Variants in ABCG1 observed in about 807,000 individuals in gnomAD.
The protein encoded by ABCG1 is ATP binding cassette subfamily G member 1.
A neutral mutation model predicts 69.2 loss-of-function variants in ABCG1; 29 were observed. The observed-to-expected ratio is 0.42, with a 90% CI of 0.31 to 0.57. The LOEUF is 0.57. Ranked by LOEUF, ABCG1 falls within the 20% of genes least tolerant of loss-of-function variation. ABCG1 has a pLI of 0.15. For missense variants in ABCG1, 718 were observed against 898.1 expected, an observed-to-expected ratio of 0.80 and a Z score of 2.56; for synonymous variants, 370 against 374.8, an observed-to-expected ratio of 0.99 and a Z score of 0.15.
At chr21:42,248,067 A>G (rs1406396248) in intron 2 of ABCG1, among the ~76,000 whole-genome samples, 1 of 152,228 alleles carries the variant, frequency 6.6e-6, no homozygotes, top group Non-Finnish European at 1.5e-5. Flanking sequence ...AAGGAAGCAA[A>G]GATGGTCATG....
At chr21:42,200,539 G>A (rs1328571197) in intron 1 of ABCG1, among the ~76,000 whole-genome samples, 4 of 152,104 alleles carry the variant, frequency 2.6e-5, no homozygotes, top group Non-Finnish European at 5.9e-5. Context: ...CCATGGTTTG[G>A]GGGTGGGGTG....
In ABCG1 at chr21:42,255,563, C is replaced by T. The variant is rs141108001; in HGVS notation, c.287-15507C>T. On this transcript the variant is annotated intron_variant, in intron 2 of 14. Transcript: ENST00000398449. ...CAGGGCAGACGCACTCACTGAGGGCCCCTTCAGTTGTAATAGGCAGAAGGA... is the reference window on the plus strand; with the variant it reads ...CAGGGCAGACGCACTCACTGAGGGCTCCTTCAGTTGTAATAGGCAGAAGGA... 8.5e-5 allele frequency among the ~76,000 whole-genome samples: 13 copies of T among 152,268 alleles called. No individual in the cohort carries two copies. The East Asian group carries it at 2.5e-3, about 29-fold the overall frequency.
Position 42,291,231 on chromosome 21 carries a change from G to A in ABCG1, c.1494+39G>A, listed in dbSNP as rs1281589693. ...GGGCTGGAATTTGAAACGGGGGCAA[G>A]AGTTCTCCTGTACACCCTTTATATC... On this transcript the variant is annotated intron_variant, in intron 12 of 14. Coordinates refer to ENST00000398449, the MANE Select transcript of ABCG1 (RefSeq NM_016818.3). This position sits in a 1 kb window ranked among gnomAD's most constrained non-coding sequence, Gnocchi z 6.4. 8 of 1,507,390 alleles carry A rather than the reference G, an allele frequency of 5.3e-6. No individual in the cohort carries two copies. Among genetic ancestry groups the A allele is most frequent in the Non-Finnish European group, 7.4e-6 (8 of 1,086,744 alleles). 93.4% of individuals were successfully genotyped at this position (1,507,390 alleles called of 1,614,324 possible).
At chr21:42,232,173 T>A (rs1470056394) in intron 2 of ABCG1, among the ~76,000 whole-genome samples, 2 of 152,232 alleles carry the variant, frequency 1.3e-5, no homozygotes, top group African/African-American at 4.8e-5. Context: ...ATTTTGAGAA[T>A]GGACCAACTC....
intron 10 of ABCG1, among the ~76,000 whole-genome samples, chr21:42,289,591 T>C (rs2069015049): frequency 6.6e-6 from 1 of 152,150 alleles, no homozygotes; most frequent in African/African-American, 2.4e-5. Flanking sequence ...GGCCACCTAC[T>C]TAGGAGCGGC....
intron 2 of ABCG1, among the ~76,000 whole-genome samples, chr21:42,252,964 G>T (rs1010981608): frequency 5.3e-5 from 8 of 152,156 alleles, no homozygotes; most frequent in Non-Finnish European, 1.0e-4. Flanking sequence ...CATGGCAGCA[G>T]CTGCCACCTA....
chr21:42,296,384 G>A lies in ABCG1; in HGVS notation c.1993G>A (p.Glu665Lys). Residue 665 changes from glutamate to lysine, a missense_variant, in exon 15 of 15, where the codon GAG (glutamate) becomes AAG (lysine). By Grantham distance (56) the Glu-to-Lys change is moderately conservative (BLOSUM62 1). Transcript: ENST00000398449. The surrounding 1 kb of genome is among the most constrained non-coding windows in gnomAD (Gnocchi z 5.4). ...TGTCCTCAGGTACAAAATCCGGGCA[G>A]AGAGGTAAAACACCTGAATGCCAGG... is the stretch of plus-strand genomic sequence containing the variant. The part of the protein sequence containing the change: ...YFVLRYKIRA[E>K]R The A allele has an allele frequency of 6.2e-7, 1 of 1,613,370 alleles. No homozygotes were observed. Among genetic ancestry groups the A allele is most frequent in the South Asian group, 1.1e-5 (1 of 91,054 alleles).
In ABCG1 at chr21:42,296,582, C is replaced by A. The variant is rs2069215558; in HGVS notation, c.*190C>A. The A allele has an allele frequency of 1.7e-6, 1 of 592,666 alleles. No individual in the cohort carries two copies. Among genetic ancestry groups the A allele is most frequent in the African/African-American group, 1.9e-5 (1 of 53,816 alleles). 36.7% of individuals were successfully genotyped at this position (592,666 alleles called of 1,614,324 possible). On this transcript the variant is annotated 3_prime_UTR_variant, in exon 15 of 15. Transcript: ENST00000398449. This position sits in a 1 kb window ranked among gnomAD's most constrained non-coding sequence, Gnocchi z 5.4. ...AGCTGGGTTGGATCTTCTCTCCATT[C>A]CCCTTTCTAGCTTTAACTAGGAAGA...
At chr21:42,249,165 T>G (rs1358717917) in intron 2 of ABCG1, among the ~76,000 whole-genome samples, 3 of 152,058 alleles carry the variant, frequency 2.0e-5, no homozygotes, top group Admixed American at 2.0e-4. Flanking sequence ...AAAACAAGGA[T>G]GTAATACCAT....
intron 2 of ABCG1, among the ~76,000 whole-genome samples, chr21:42,251,073 C>A (rs778546925): frequency 7.2e-5 from 11 of 152,150 alleles, no homozygotes; most frequent in Non-Finnish European, 1.3e-4. Context: ...CTAGGGCTGT[C>A]ACTATCTCCT....
chr21:42,228,929 A>G (rs1377830503), intron 2 of ABCG1, among the ~76,000 whole-genome samples: 1 of 152,204 alleles, frequency 6.6e-6, no homozygotes, highest in Non-Finnish European at 1.5e-5. Flanking sequence ...AGTGCGCATT[A>G]AATGCGGATC....
Position 42,291,143 on chromosome 21 carries a change from G to A in ABCG1, c.1445G>A (p.Ser482Asn). The change falls in exon 12 of 15, where the codon AGC (serine) becomes AAC (asparagine). Residue 482 changes from serine (S) to asparagine (N), a missense_variant. This residue lies in a region of ABCG1 where 204 missense variants were observed against 323.8 expected (regional missense o/e 0.63). Transcript: ENST00000398449. This position sits in a 1 kb window ranked among gnomAD's most constrained non-coding sequence, Gnocchi z 6.4. ...CGGGAACACCTGAACTACTGGTACA[G>A]CCTGAAGGCCTACTACCTGGCCAAG... ...FLREHLNYWY[S>N]LKAYYLAKTM... 1.2e-6 allele frequency: 2 copies of A among 1,614,172 alleles called. No individual in the cohort carries two copies. Among genetic ancestry groups the A allele is most frequent in the Non-Finnish European group, 1.7e-6 (2 of 1,180,020 alleles).
chr21:42,240,384 G>A (rs897820806), intron 2 of ABCG1, among the ~76,000 whole-genome samples: 1 of 152,218 alleles, frequency 6.6e-6, no homozygotes, highest in Admixed American at 6.5e-5. Context: ...TAGGGCCATG[G>A]CCCTTTTCAG....
intron 1 of ABCG1, among the ~76,000 whole-genome samples, chr21:42,223,941 C>T (rs994115486): frequency 1.1e-4 from 17 of 152,114 alleles, no homozygotes; most frequent in African/African-American, 3.9e-4. Context: ...GCAGATGTTG[C>T]GTGGCAGCTG....
At chr21:42,220,805 G>C (rs1271586436) in intron 1 of ABCG1, among the ~76,000 whole-genome samples, 1 of 152,252 alleles carries the variant, frequency 6.6e-6, no homozygotes, top group Non-Finnish European at 1.5e-5. Flanking sequence ...AAATGAGGTT[G>C]ACCATGGAAA....
chr21:42,291,209 C>A lies in ABCG1; in HGVS notation c.1494+17C>A. ...CCCTTTCAGGTGTGTTAGCCAGGGGCTGGAATTTGAAACGGGGGCAAGAGT... is the reference window on the plus strand; with the variant it reads ...CCCTTTCAGGTGTGTTAGCCAGGGGATGGAATTTGAAACGGGGGCAAGAGT... On this transcript the variant is annotated intron_variant, in intron 12 of 14. Transcript: ENST00000398449. The surrounding 1 kb of genome is among the most constrained non-coding windows in gnomAD (Gnocchi z 6.4). 1 of 1,597,700 alleles carries A rather than the reference C, an allele frequency of 6.3e-7. No homozygotes were observed. Among genetic ancestry groups the A allele is most frequent in the Non-Finnish European group, 8.6e-7 (1 of 1,166,174 alleles).
Position 42,291,866 on chromosome 21 carries a change from A to T in ABCG1, c.1653+210A>T, listed in dbSNP as rs1429365313. On this transcript the variant is annotated intron_variant, in intron 13 of 14. Transcript: ENST00000398449. This position sits in a 1 kb window ranked among gnomAD's most constrained non-coding sequence, Gnocchi z 6.4. ...ACAGCGGGCAGCCTCACGTGTGCTGACTGCGTGCTGGGCGCTCTTCCCAGC... is the reference window on the plus strand; with the variant it reads ...ACAGCGGGCAGCCTCACGTGTGCTGTCTGCGTGCTGGGCGCTCTTCCCAGC... 2.6e-5 allele frequency among the ~76,000 whole-genome samples: 4 copies of T among 152,218 alleles called. No individual in the cohort carries two copies. Among genetic ancestry groups the T allele is most frequent in the African/African-American group, 7.2e-5 (3 of 41,516 alleles).
chr21:42,234,029 TTTTG>T (rs2067939631), intron 2 of ABCG1, among the ~76,000 whole-genome samples: 2 of 152,342 alleles, frequency 1.3e-5, no homozygotes, highest in African/African-American at 4.8e-5. Flanking sequence ...AAGTGTTTTT[TTTTG>T]TTGTTGTTGT....
At chr21:42,217,363 C>T (rs1028882348), upstream of ABCG1, among the ~76,000 whole-genome samples, 6 of 152,116 alleles carry the variant, frequency 3.9e-5, no homozygotes, top group Non-Finnish European at 5.9e-5. Flanking sequence ...AGTTCCTCCC[C>T]GGCTGTGTTC....
Sources: allele counts gnomAD v4.1 joint callset (sites outside exome capture counted in the v4.1 genomes callset), GRCh38; gene constraint gnomAD v4.1.1; regional missense constraint gnomAD v4.1.1; non-coding constraint Gnocchi (gnomAD v3.1); transcripts MANE v1.5; gene names NCBI Gene and HGNC (gene_info 2026-07-23, HGNC 2026-07-21).